Variants in CNTNAP4 observed in about 807,000 individuals in gnomAD.
CNTNAP4 encodes contactin-associated protein-like 4.
A neutral mutation model predicts 148.4 loss-of-function variants in CNTNAP4; 98 were observed. The ratio of observed to expected loss-of-function variants is 0.66; its 90% CI spans 0.56 to 0.78. The LOEUF (loss-of-function observed/expected upper bound fraction) is 0.78. Among genes scored for constraint, CNTNAP4 ranks in the 30% least tolerant of loss-of-function variants. The probability of loss-of-function intolerance (pLI) is 0.00; values close to 1 mark genes in which losing one functional copy is unlikely to be tolerated. For missense variants in CNTNAP4, 1,935 were observed against 1,565.6 expected (o/e 1.24, Z -3.98); for synonymous variants, 730 against 565.1 (o/e 1.29, Z -4.14).
intron 15 of CNTNAP4, among the ~76,000 whole-genome samples, chr16:76,520,307 A>T (rs1164246034): frequency 1.3e-5 from 2 of 152,128 alleles, no homozygotes; most frequent in East Asian, 3.9e-4. Flanking sequence ...GGTTCATAAT[A>T]TTTTTTCGAA....
chr16:76,476,754 C>T (rs2081599775), intron 11 of CNTNAP4, among the ~76,000 whole-genome samples: 1 of 152,042 alleles, frequency 6.6e-6, no homozygotes, highest in South Asian at 2.1e-4. Flanking sequence ...GAGGGCTTCA[C>T]TCTCATGGCC....
At chr16:76,470,642 C>T (rs1335503196) in intron 10 of CNTNAP4, among the ~76,000 whole-genome samples, 5 of 150,832 alleles carry the variant, frequency 3.3e-5, no homozygotes, top group Admixed American at 6.6e-5. Context: ...AAGAGTGAAA[C>T]GCCGTCTCGA....
At chr16:76,317,068 C>T (rs1009984253) in intron 2 of CNTNAP4, among the ~76,000 whole-genome samples, 1 of 151,520 alleles carries the variant, frequency 6.6e-6, no homozygotes, top group Admixed American at 6.6e-5. Context: ...GAGTTCAAGA[C>T]CAGCCTGGGC....
At chr16:76,525,439 TATAG>T (rs2083676620) in intron 17 of CNTNAP4, among the ~76,000 whole-genome samples, 1 of 149,280 alleles carries the variant, frequency 6.7e-6, no homozygotes, top group Admixed American at 6.7e-5. Context: ...AAAAAATCTA[TATAG>T]AGAGAGAAAA....
At chr16:76,523,608 A>T (rs1324510347) in intron 17 of CNTNAP4, among the ~76,000 whole-genome samples, 1 of 152,178 alleles carries the variant, frequency 6.6e-6, no homozygotes, top group Non-Finnish European at 1.5e-5. Flanking sequence ...GACATAAAAC[A>T]CTATAAAGCA....
At chr16:76,301,538 A>G (rs1959967995) in intron 1 of CNTNAP4, among the ~76,000 whole-genome samples, 2 of 152,198 alleles carry the variant, frequency 1.3e-5, no homozygotes, top group Admixed American at 6.6e-5. Flanking sequence ...ACTCATGTAT[A>G]CTGAAAGACC....
intron 20 of CNTNAP4, 103 bp downstream of exon 20, chr16:76,539,955 C>A (rs1463757606): frequency 3.8e-6 from 3 of 797,284 alleles, no homozygotes; most frequent in Admixed American, 2.9e-5. Context: ...GAGACACTTT[C>A]ATTGGTCTTC....
intron 4 of CNTNAP4, among the ~76,000 whole-genome samples, chr16:76,444,181 A>G (rs369492538): frequency 6.6e-6 from 1 of 152,174 alleles, no homozygotes; most frequent in African/African-American, 2.4e-5. Context: ...ATTCAACAGG[A>G]CAATAAACCC....
In CNTNAP4 at chr16:76,545,062, T is replaced by C. The variant is rs144325211; in HGVS notation, c.3442+4272T>C. ...ATTTTATAAATATATCATGAAATAA[T>C]TTTCAAAATAATGGATTGGTTATTT... On this transcript the variant is annotated intron_variant, in intron 21 of 23. Transcript: ENST00000611870. Among the ~76,000 whole-genome samples, 722 of 152,286 alleles carry C rather than the reference T, an allele frequency of 4.7e-3. 6 individuals are homozygous for C. The highest frequency in any genetic ancestry group is 0.017 in the African/African-American group (701 of 41,556).
chr16:76,401,992 C>A (rs1291015039), intron 3 of CNTNAP4, among the ~76,000 whole-genome samples: 1 of 151,940 alleles, frequency 6.6e-6, no homozygotes, highest in Non-Finnish European at 1.5e-5. Flanking sequence ...AAAATATTGT[C>A]CTGAAGTTTT....
chr16:76,329,614 T>A, intron 2 of CNTNAP4, among the ~76,000 whole-genome samples: 1 of 152,220 alleles, frequency 6.6e-6, no homozygotes, highest in East Asian at 1.9e-4. Context: ...TCAGTGGGAA[T>A]TATTAGCCTT....
intron 1 of CNTNAP4, among the ~76,000 whole-genome samples, chr16:76,281,273 G>T (rs1958676868): frequency 6.6e-6 from 1 of 152,000 alleles, no homozygotes; most frequent in Non-Finnish European, 1.5e-5. Flanking sequence ...TAACTAGAAT[G>T]CAATAGTAAA....
At chr16:76,457,424 T>A (rs555765518) in intron 8 of CNTNAP4, among the ~76,000 whole-genome samples, 2 of 152,330 alleles carry the variant, frequency 1.3e-5, no homozygotes, top group Admixed American at 1.3e-4. Flanking sequence ...CACAACTTCA[T>A]TCTATTCACA....
At chr16:76,318,128 G>A (rs936797498) in intron 2 of CNTNAP4, among the ~76,000 whole-genome samples, 2 of 152,134 alleles carry the variant, frequency 1.3e-5, no homozygotes, top group Admixed American at 6.6e-5. Flanking sequence ...CCACCAGCAG[G>A]AATGCTGTTA....
At chr16:76,536,824 T>C (rs538531682) in intron 18 of CNTNAP4, among the ~76,000 whole-genome samples, 17 of 152,190 alleles carry the variant, frequency 1.1e-4, no homozygotes, top group Non-Finnish European at 2.4e-4. Flanking sequence ...TATTACTCTT[T>C]CATAGTTCCT....
At chr16:76,403,161 C>T (rs930600398) in intron 3 of CNTNAP4, among the ~76,000 whole-genome samples, 1 of 150,948 alleles carries the variant, frequency 6.6e-6, no homozygotes, top group African/African-American at 2.4e-5. Flanking sequence ...GGCGCGATCT[C>T]GACTCACTGC....
At chr16:76,495,278 T>C (rs186871096) in intron 14 of CNTNAP4, 2 of 349,896 alleles carry the variant, frequency 5.7e-6, no homozygotes, top group Admixed American at 4.3e-5. Context: ...CCATAAGTCA[T>C]GTATATTTTA....
rs558814796 is a variant in CNTNAP4 at position 76,307,539 on chromosome 16, T to TATATATATATATATATAC, written c.86-8873_86-8872insTATATATATATATATACA. ...ATATATATATATATATATATATATA[T>TATATATATATATATATAC]ACCAAACTCCAGAAATGCTTACCCC... On this transcript the variant is annotated intron_variant, in intron 1 of 23. Transcript: ENST00000611870. 3.5e-4 allele frequency among the ~76,000 whole-genome samples: 42 copies of TATATATATATATATATAC among 119,376 alleles called. 4 individuals carry two copies. Among genetic ancestry groups the TATATATATATATATATAC allele is most frequent in the Middle Eastern group, 4.2e-3 (1 of 238 alleles). The allele number at this position is 119,376 out of a possible 152,430, so 78.3% of individuals were successfully genotyped here.
chr16:76,331,463 C>T (rs1167616424), intron 2 of CNTNAP4, among the ~76,000 whole-genome samples: 1 of 150,940 alleles, frequency 6.6e-6, no homozygotes, highest in East Asian at 1.9e-4. Context: ...GCTGAGATTA[C>T]AGGCGTGAGC....
Sources: allele counts gnomAD v4.1 joint callset (sites outside exome capture counted in the v4.1 genomes callset), GRCh38; gene constraint gnomAD v4.1.1; transcripts MANE v1.5; gene names NCBI Gene and HGNC (gene_info 2026-07-23, HGNC 2026-07-21).